ALOX5AP: variants seen among roughly 807,000 people sequenced by gnomAD.
The protein encoded by ALOX5AP is arachidonate 5-lipoxygenase activating protein.
Under a neutral mutation model 18.5 loss-of-function variants are expected in ALOX5AP, and 9 were observed. The observed-to-expected ratio is 0.49, with a 90% CI of 0.29 to 0.85. The LOEUF (loss-of-function observed/expected upper bound fraction) is 0.85. ALOX5AP is among the 40% of genes least tolerant of loss of function. The pLI is 0.08. For missense variants in ALOX5AP, 172 were observed against 202.5 expected, an observed-to-expected ratio of 0.85 and a Z score of 0.91; for synonymous variants, 81 against 78.6, an observed-to-expected ratio of 1.03 and a Z score of -0.16.
intron 2 of ALOX5AP, among the ~76,000 whole-genome samples, chr13:30,744,875 A>G (rs1951797142): frequency 6.6e-6 from 1 of 152,218 alleles, no homozygotes; most frequent in Admixed American, 6.5e-5. Context: ...ACTACGGACT[A>G]GGGGCCTGTC....
chr13:30,759,460 C>G (rs1186815579), intron 4 of ALOX5AP, among the ~76,000 whole-genome samples: 1 of 152,214 alleles, frequency 6.6e-6, no homozygotes, highest in Admixed American at 6.5e-5. Flanking sequence ...GCTACCTGCT[C>G]TGTGCCAGGT....
intron 2 of ALOX5AP, among the ~76,000 whole-genome samples, chr13:30,744,581 C>T (rs569918767): frequency 1.4e-4 from 22 of 152,268 alleles, no homozygotes; most frequent in South Asian, 8.3e-4. Context: ...TGCTCCCCTG[C>T]GGGTGGAAGT....
intron 2 of ALOX5AP, among the ~76,000 whole-genome samples, chr13:30,746,460 A>G (rs1951810220): frequency 6.6e-6 from 1 of 152,138 alleles, no homozygotes; most frequent in Non-Finnish European, 1.5e-5. Context: ...TGTTACAAAG[A>G]CCACTTCCTC....
At chr13:30,741,839 T>TTTTTG (rs1555255440) in intron 1 of ALOX5AP, among the ~76,000 whole-genome samples, 2 of 151,178 alleles carry the variant, frequency 1.3e-5, no homozygotes, top group South Asian at 2.1e-4. Flanking sequence ...CTGTTTTTTT[T>TTTTTG]TTTTTTTTTT....
intron 2 of ALOX5AP, among the ~76,000 whole-genome samples, chr13:30,745,484 G>A (rs1023502036): frequency 6.6e-6 from 1 of 152,042 alleles, no homozygotes; most frequent in Non-Finnish European, 1.5e-5. Flanking sequence ...ATGCTCCCAC[G>A]TGCTCTGGGC....
At chr13:30,728,619 A>G (rs985229352) in intron 1 of ALOX5AP, among the ~76,000 whole-genome samples, 7 of 152,172 alleles carry the variant, frequency 4.6e-5, no homozygotes, top group Non-Finnish European at 5.9e-5. Flanking sequence ...AGAAACTGCC[A>G]ACTTGGGGGA....
intron 2 of ALOX5AP, among the ~76,000 whole-genome samples, chr13:30,746,932 T>C (rs9670531): frequency 0.51 from 78,006 of 152,054 alleles, 20,583 homozygotes; most frequent in African/African-American, 0.63. Flanking sequence ...ATGATACTGG[T>C]GGATTAAAAA....
At chr13:30,715,900 A>G (rs769386511) in intron 1 of ALOX5AP, among the ~76,000 whole-genome samples, 6 of 152,214 alleles carry the variant, frequency 3.9e-5, no homozygotes, top group African/African-American at 7.2e-5. Flanking sequence ...AGTAATAGTA[A>G]AATATCAGCA....
At chr13:30,723,294 G>T (rs1951608642) in intron 1 of ALOX5AP, among the ~76,000 whole-genome samples, 1 of 152,212 alleles carries the variant, frequency 6.6e-6, no homozygotes, top group African/African-American at 2.4e-5. Flanking sequence ...CATAAGGTCT[G>T]TGTCTAGATT....
Position 30,763,905 on chromosome 13 carries a change from C to T in ALOX5AP, c.324-39C>T, listed in dbSNP as rs201041229. 8.9e-5 allele frequency: 142 copies of T among 1,590,022 alleles called. No homozygotes were observed. The Admixed American group carries it at 2.2e-3, about 24-fold the overall frequency. On this transcript the variant is annotated intron_variant, in intron 4 of 4. Coordinates refer to ENST00000380490, the MANE Select transcript of ALOX5AP (RefSeq NM_001629.4). Reference sequence around the variant, plus strand: ...TTGTGTGTGTGAAATTGGTGTCATTCGCACTGCATCTACAGTTTTCTTTTT... The same window carrying T: ...TTGTGTGTGTGAAATTGGTGTCATTTGCACTGCATCTACAGTTTTCTTTTT...
intron 2 of ALOX5AP, among the ~76,000 whole-genome samples, chr13:30,746,037 T>A (rs1951806266): frequency 6.6e-6 from 1 of 152,238 alleles, no homozygotes; most frequent in Non-Finnish European, 1.5e-5. Flanking sequence ...CAGGCCAGGC[T>A]GTGTAGTTTC....
chr13:30,733,142 G>C (rs908423061), upstream of ALOX5AP, among the ~76,000 whole-genome samples: 3 of 132,368 alleles, frequency 2.3e-5, no homozygotes, highest in Non-Finnish European at 3.1e-5. Flanking sequence ...CTGGGCAACA[G>C]AGCAAGACTC....
At chr13:30,713,581 C>T (rs1241770935) in exon 1 of ALOX5AP, 5 of 640,052 alleles carry the variant, frequency 7.8e-6, no homozygotes, top group Non-Finnish European at 1.4e-5. Context: ...TGGCCTGATT[C>T]CTGCACCCCA....
chr13:30,715,276 C>A (rs988862152), intron 1 of ALOX5AP, among the ~76,000 whole-genome samples: 3 of 152,170 alleles, frequency 2.0e-5, no homozygotes, highest in African/African-American at 7.2e-5. Flanking sequence ...TGGGTTTTGT[C>A]CATGTTAGAT....
At chr13:30,732,037 T>G (rs1179707713), upstream of ALOX5AP, among the ~76,000 whole-genome samples, 1 of 152,240 alleles carries the variant, frequency 6.6e-6, no homozygotes, top group Non-Finnish European at 1.5e-5. Flanking sequence ...AATCTTAATG[T>G]GCGCGCTGTA....
intron 1 of ALOX5AP, among the ~76,000 whole-genome samples, chr13:30,721,178 G>A (rs1951590594): frequency 6.6e-6 from 1 of 152,160 alleles, no homozygotes; most frequent in Non-Finnish European, 1.5e-5. Context: ...CATAGGAGAA[G>A]GGCATTCATT....
At chr13:30,740,169 C>T (rs17238694) in intron 1 of ALOX5AP, among the ~76,000 whole-genome samples, 3,333 of 152,254 alleles carry the variant, frequency 0.022, 50 homozygotes, top group Middle Eastern at 0.048. Flanking sequence ...TCCTGAGATC[C>T]GGGCATCGAC....
chr13:30,735,713 G>A lies in ALOX5AP; in HGVS notation c.70+38G>A, dbSNP rs201360548. 12 of 1,607,390 alleles carry A rather than the reference G, an allele frequency of 7.5e-6. No individual in the cohort carries two copies. The South Asian group carries it at 1.2e-4, about 16-fold the overall frequency. ...CTTCACTCAGGGAAGAACAGAAGGG[G>A]AGATTTTCTTTGATGGTTGTTTGGA... On this transcript the variant is annotated intron_variant, in intron 1 of 4. Coordinates refer to ENST00000380490, the MANE Select transcript of ALOX5AP (RefSeq NM_001629.4).
At chr13:30,759,920 A>T (rs1001543899) in intron 4 of ALOX5AP, among the ~76,000 whole-genome samples, 1 of 152,226 alleles carries the variant, frequency 6.6e-6, no homozygotes, top group Non-Finnish European at 1.5e-5. Flanking sequence ...GCATTCTCAG[A>T]TGATTCTGCA....
Sources: allele counts gnomAD v4.1 joint callset (sites outside exome capture counted in the v4.1 genomes callset), GRCh38; gene constraint gnomAD v4.1.1; transcripts MANE v1.5; gene names NCBI Gene and HGNC (gene_info 2026-07-23, HGNC 2026-07-21).